Variants in CRH observed in about 807,000 individuals in gnomAD.
The protein encoded by CRH is corticotropin releasing hormone.
In CRH, 6 loss-of-function variants were observed where a neutral mutation model predicts 11.1. The observed-to-expected ratio is 0.54, with a 90% CI of 0.30 to 1.07. CRH has a LOEUF of 1.07. Ranked by LOEUF, CRH falls within the 50% of genes least tolerant of loss-of-function variation. The pLI, the probability that CRH is intolerant of heterozygous loss-of-function variation, is 0.07. For synonymous variants in CRH, 155 were observed against 132.0 expected (o/e 1.17, Z -1.19); for missense variants, 289 against 269.4 (o/e 1.07, Z -0.51).
rs1377634814 is a variant in CRH at position 66,176,841 on chromosome 8, T to A, written c.*46A>T. The stretch of plus-strand genomic sequence containing the variant: ...GTACAGAATACTGTATTTTTTTAAA[T>A]TTTTTTTGTGCTAAATGCAGATTCT... On this transcript the variant is annotated 3_prime_UTR_variant, in exon 2 of 2. Coordinates refer to ENST00000276571, the MANE Select transcript of CRH (RefSeq NM_000756.4). The A allele has an allele frequency of 4.6e-6, 7 of 1,521,778 alleles. No homozygotes were observed. Among genetic ancestry groups the A allele is most frequent in the East Asian group, 2.3e-5 (1 of 43,714 alleles). 94.3% of individuals were successfully genotyped at this position (1,521,778 alleles called of 1,614,324 possible). A position where few individuals can be genotyped will look rare whatever the true frequency, so the allele number is the denominator to read the frequency against.
Position 66,176,832 on chromosome 8 carries a change from T to G in CRH, c.*55A>C, listed in dbSNP as rs1811906104. 1 of 1,530,740 alleles carries G rather than the reference T, an allele frequency of 6.5e-7. No homozygotes were observed. The highest frequency in any genetic ancestry group is 8.8e-7 in the Non-Finnish European group (1 of 1,141,174). 94.8% of individuals were successfully genotyped at this position (1,530,740 alleles called of 1,614,324 possible). ...AGCGCTATGGTACAGAATACTGTAT[T>G]TTTTTAAATTTTTTTTGTGCTAAAT... On this transcript the variant is annotated 3_prime_UTR_variant, in exon 2 of 2. Coordinates refer to ENST00000276571, the MANE Select transcript of CRH (RefSeq NM_000756.4).
Position 66,176,582 on chromosome 8 carries a change from TTC to T in CRH, c.*303_*304del, listed in dbSNP as rs991330209. Reference sequence around the variant, plus strand: ...ACCACAACAAAAACAATTGAGTGACTTCTGTCTGCTTTTTCAAACAAAACGTT... The same window carrying T: ...ACCACAACAAAAACAATTGAGTGACTTGTCTGCTTTTTCAAACAAAACGTT... On this transcript the variant is annotated 3_prime_UTR_variant, in exon 2 of 2. Coordinates refer to ENST00000276571, the MANE Select transcript of CRH (RefSeq NM_000756.4). 40 of 192,568 alleles carry T rather than the reference TTC, an allele frequency of 2.1e-4. No homozygotes were observed. The highest frequency in any genetic ancestry group is 8.2e-4 in the African/African-American group (35 of 42,844). 11.9% of individuals were successfully genotyped at this position (192,568 alleles called of 1,614,324 possible). A position where few individuals can be genotyped will look rare whatever the true frequency, so the allele number is the denominator to read the frequency against.
chr8:66,177,256 G>C lies in CRH; in HGVS notation c.222C>G (p.Leu74=), dbSNP rs1303480375. The part of the protein sequence containing the change: ...VLLRMGEEYF[L]RLGNLNKSPA... The stretch of plus-strand genomic sequence containing the variant: ...GGCTCTTGTTGAGGTTCCCCAGGCG[G>C]AGGAAGTACTCCTCTCCCATGCGGA... Residue 74 remains leucine (L), a synonymous_variant, in exon 2 of 2, where the codon CTC becomes CTG. Coordinates refer to ENST00000276571, the MANE Select transcript of CRH (RefSeq NM_000756.4). The C allele has an allele frequency of 6.5e-7, 1 of 1,544,542 alleles. No homozygotes were observed. Among genetic ancestry groups the C allele is most frequent in the Non-Finnish European group, 8.7e-7 (1 of 1,149,038 alleles).
chr8:66,176,683 G>T lies in CRH; in HGVS notation c.*204C>A. ...AACGGAAACTAAACGTAGACAAAAC[G>T]AATAACATTGTGTTGCTGCTGCACG... On this transcript the variant is annotated 3_prime_UTR_variant, in exon 2 of 2. Coordinates refer to ENST00000276571, the MANE Select transcript of CRH (RefSeq NM_000756.4). The T allele has an allele frequency of 1.9e-6, 1 of 522,134 alleles. No homozygotes were observed. The highest frequency in any genetic ancestry group is 3.0e-6 in the Non-Finnish European group (1 of 332,122). The allele number at this position is 522,134 out of a possible 1,614,324, so 32.3% of individuals were successfully genotyped here.
chr8:66,177,121 C>T lies in CRH; in HGVS notation c.357G>A (p.Leu119=), dbSNP rs775986889. ...TGTCGAGCGAGCGCCGAGGCAGCAG[C>T]AGCTGCTGCAGCAACACGCGGAAAA... ...ANFFRVLLQQ[L]LLPRRSLDSP... is the part of the protein sequence containing the mutation. Residue 119 remains leucine, a synonymous_variant, in exon 2 of 2, where the codon CTG becomes CTA. Coordinates refer to ENST00000276571, the MANE Select transcript of CRH (RefSeq NM_000756.4). The T allele has an allele frequency of 3.2e-6, 5 of 1,559,318 alleles. No individual in the cohort carries two copies. In the South Asian group the frequency reaches 4.6e-5, roughly 14 times the overall value.
chr8:66,177,581 C>CA, intron 1 of CRH, 90 bp from the exon 2 acceptor site: 4 of 1,441,212 alleles, frequency 2.8e-6, no homozygotes, highest in Non-Finnish European at 9.1e-7. Context: ...GGGAGGTGCA[C>CA]ACGGGGTCTT....
chr8:66,177,813 C>T (rs1422266950), intron 1 of CRH, among the ~76,000 whole-genome samples: 1 of 152,194 alleles, frequency 6.6e-6, no homozygotes, highest in Non-Finnish European at 1.5e-5. Flanking sequence ...TTTTCCCGAT[C>T]CTAGAGAAGA....
intron 1 of CRH, 66 bp downstream of exon 1, chr8:66,178,227 C>T: frequency 6.5e-6 from 1 of 152,834 alleles, no homozygotes; most frequent in Non-Finnish European, 1.5e-5. Flanking sequence ...GCCGGCTCCG[C>T]GGCGCACATC....
chr8:66,176,704 G>A lies in CRH; in HGVS notation c.*183C>T. 1.6e-6 allele frequency: 1 copy of A among 618,960 alleles called. No homozygotes were observed. Among genetic ancestry groups the A allele is most frequent in the Non-Finnish European group, 2.4e-6 (1 of 408,274 alleles). 38.3% of individuals were successfully genotyped at this position (618,960 alleles called of 1,614,324 possible). A position where few individuals can be genotyped will look rare whatever the true frequency, so the allele number is the denominator to read the frequency against. ...AAACGAATAACATTGTGTTGCTGCTGCACGTGAATACACTTTGTGCATGCT... is the reference window on the plus strand; with the variant it reads ...AAACGAATAACATTGTGTTGCTGCTACACGTGAATACACTTTGTGCATGCT... On this transcript the variant is annotated 3_prime_UTR_variant, in exon 2 of 2. Coordinates refer to ENST00000276571, the MANE Select transcript of CRH (RefSeq NM_000756.4).
chr8:66,177,264 ACTC>A lies in CRH; in HGVS notation c.211_213del (p.Glu71del). 6.5e-7 allele frequency: 1 copy of A among 1,545,214 alleles called. No homozygotes were observed. Among genetic ancestry groups the A allele is most frequent in the South Asian group, 1.2e-5 (1 of 84,418 alleles). On this transcript the variant is annotated inframe_deletion, in exon 2 of 2. Coordinates refer to ENST00000276571, the MANE Select transcript of CRH (RefSeq NM_000756.4). Reference sequence around the variant, plus strand: ...TTGAGGTTCCCCAGGCGGAGGAAGTACTCCTCTCCCATGCGGAGCAGGACCGGC... The same window carrying A: ...TTGAGGTTCCCCAGGCGGAGGAAGTACTCTCCCATGCGGAGCAGGACCGGC...
At chr8:66,177,568 G>T in intron 1 of CRH, 77 bp from the exon 2 acceptor site, 1 of 1,462,942 alleles carries the variant, frequency 6.8e-7, no homozygotes, top group Non-Finnish European at 9.0e-7. Flanking sequence ...AGTTCGCTCA[G>T]CTGGGAGGTG....
At chr8:66,177,719 C>G (rs1415182678) in intron 1 of CRH, among the ~76,000 whole-genome samples, 1 of 152,156 alleles carries the variant, frequency 6.6e-6, no homozygotes, top group East Asian at 1.9e-4. Flanking sequence ...TAAGCTCATG[C>G]GCTCACCGGC....
rs1289583972 is a variant in CRH, at chr8:66,177,498, C to T, written c.-14-7G>A. ...CGCATGTTAGGGGCACTCGCTGCGGCACAGAGGTGGGCGGAGGGCGGAATG... is the reference window on the plus strand; with the variant it reads ...CGCATGTTAGGGGCACTCGCTGCGGTACAGAGGTGGGCGGAGGGCGGAATG... On this transcript the variant is annotated splice_polypyrimidine_tract_variant and splice_region_variant and intron_variant, in intron 1 of 1. Coordinates refer to ENST00000276571, the MANE Select transcript of CRH (RefSeq NM_000756.4). 4.6e-6 allele frequency: 7 copies of T among 1,525,660 alleles called. No homozygotes were observed. The South Asian group carries it at 6.1e-5, about 13-fold the overall frequency. The allele number at this position is 1,525,660 out of a possible 1,614,324, so 94.5% of individuals were successfully genotyped here.
intron 1 of CRH, among the ~76,000 whole-genome samples, chr8:66,178,018 G>T (rs187216046): frequency 2.0e-5 from 3 of 152,198 alleles, no homozygotes; most frequent in Admixed American, 2.0e-4. Flanking sequence ...GGCAGCACGG[G>T]TAACGAAGAG....
Position 66,176,695 on chromosome 8 carries a change from G to A in CRH, c.*192C>T. The A allele has an allele frequency of 3.4e-6, 2 of 582,054 alleles. No homozygotes were observed. The highest frequency in any genetic ancestry group is 5.3e-6 in the Non-Finnish European group (2 of 376,956). The allele number at this position is 582,054 out of a possible 1,614,324, so 36.1% of individuals were successfully genotyped here. On this transcript the variant is annotated 3_prime_UTR_variant, in exon 2 of 2. Transcript: ENST00000276571. ...ACGTAGACAAAACGAATAACATTGT[G>A]TTGCTGCTGCACGTGAATACACTTT... is the stretch of plus-strand genomic sequence containing the variant.
At position 66,176,434 on chromosome 8, in the gene CRH, A is replaced by G. The variant is rs1019256616; in HGVS notation, c.*453T>C. ...TAAGTATTCAACATTCTCTTACACA[A>G]CCAAACTGACCAAGGACTGGAAAGA... On this transcript the variant is annotated 3_prime_UTR_variant, in exon 2 of 2. Transcript: ENST00000276571. The G allele has an allele frequency of 1.3e-5, 2 of 152,550 alleles. No individual in the cohort carries two copies. The highest frequency in any genetic ancestry group is 2.9e-5 in the Non-Finnish European group (2 of 68,210). The allele number at this position is 152,550 out of a possible 1,614,324, so 9.4% of individuals were successfully genotyped here. A position where few individuals can be genotyped will look rare whatever the true frequency, so the allele number is the denominator to read the frequency against.
Position 66,177,227 on chromosome 8 carries a change from G to T in CRH, c.251C>A (p.Ala84Asp). 6.5e-7 allele frequency: 1 copy of T among 1,541,228 alleles called. No homozygotes were observed. The highest frequency in any genetic ancestry group is 8.7e-7 in the Non-Finnish European group (1 of 1,147,368). Residue 84 changes from alanine to aspartate, a missense_variant, in exon 2 of 2, where the codon GCC (alanine) becomes GAC (aspartate). By Grantham distance (126) the Ala-to-Asp change is moderately radical. Transcript: ENST00000276571. The stretch of plus-strand genomic sequence containing the variant: ...CGAGGAGGCGGGCGAAAGGGGAGCG[G>T]CCGGGCTCTTGTTGAGGTTCCCCAG... ...LRLGNLNKSP[A>D]APLSPASSLL... is the part of the protein sequence containing the mutation.
chr8:66,177,355 A>C lies in CRH; in HGVS notation c.123T>G (p.Pro41=), dbSNP rs752420051. ...VPGARQAPQH[P]QPLDFFQPPP... The stretch of plus-strand genomic sequence containing the variant: ...GCGGCTGGAAGAAATCCAAGGGCTG[A>C]GGGTGCTGCGGCGCCTGCCGAGCTC... The change falls in exon 2 of 2, where the codon CCT becomes CCG. Residue 41 remains proline, a synonymous_variant. Transcript: ENST00000276571. 1.0e-4 allele frequency: 155 copies of C among 1,548,716 alleles called. 1 individual carries two copies. The highest frequency in any genetic ancestry group is 1.3e-4 in the Non-Finnish European group (147 of 1,151,830).
In CRH at chr8:66,177,138, C is replaced by A; in HGVS notation, c.340G>T (p.Val114Leu). ...PEQATANFFR[V>L]LLQQLLLPRR... ...GGCAGCAGCAGCTGCTGCAGCAACA[C>A]GCGGAAAAAGTTGGCGGTCGCCTGT... Residue 114 changes from valine (V) to leucine (L), a missense_variant, in exon 2 of 2, where the codon GTG becomes TTG. Physicochemically the swap from Val to Leu is conservative, Grantham distance 32. This residue lies in a region of CRH where 261 missense variants were observed against 219.0 expected (regional missense o/e 1.19). Transcript: ENST00000276571. 1.3e-6 allele frequency: 2 copies of A among 1,550,682 alleles called. No homozygotes were observed. The highest frequency in any genetic ancestry group is 2.4e-5 in the East Asian group (1 of 41,314).
Sources: gnomAD v4.1 joint callset for allele counts (sites outside exome capture counted in the v4.1 genomes callset) on GRCh38, gnomAD v4.1.1 for gene constraint, gnomAD v4.1.1 regional missense constraint, MANE v1.5 for transcripts, NCBI Gene and HGNC (gene_info 2026-07-23, HGNC 2026-07-21) for gene names.